Variants in MYBPC1 observed in about 807,000 individuals in gnomAD.
The protein encoded by MYBPC1 is myosin binding protein C1.
Under a neutral mutation model 147.1 loss-of-function variants are expected in MYBPC1, and 52 were observed. The ratio of observed to expected loss-of-function variants is 0.35; its 90% CI spans 0.28 to 0.45. MYBPC1 has a LOEUF of 0.45. Ranked by LOEUF, MYBPC1 falls within the 20% of genes least tolerant of loss-of-function variation. MYBPC1 has a pLI of 1.00. For missense variants in MYBPC1, 1,228 were observed against 1,440.3 expected, an observed-to-expected ratio of 0.85 and a Z score of 2.39; for synonymous variants, 477 against 475.9, an observed-to-expected ratio of 1.00 and a Z score of -0.03.
intron 15 of MYBPC1, among the ~76,000 whole-genome samples, chr12:101,649,823 T>C (rs535468010): frequency 6.6e-6 from 1 of 152,322 alleles, no homozygotes; most frequent in East Asian, 1.9e-4. Flanking sequence ...AAGGGCTCAA[T>C]TGAGAAGATT....
rs140304003 is a variant in MYBPC1 at position 101,604,432 on chromosome 12, A to G, written c.25+9337A>G. Among the ~76,000 whole-genome samples, 26 of 152,338 alleles carry G rather than the reference A, an allele frequency of 1.7e-4. No individual in the cohort carries two copies. The East Asian group carries it at 5.0e-3, about 29-fold the overall frequency. On this transcript the variant is annotated intron_variant, in intron 1 of 31. Coordinates refer to ENST00000361466, the MANE Select transcript of MYBPC1 (RefSeq NM_002465.4). Reference sequence around the variant, plus strand: ...AGAGTACAGTACAGTCTTTGGCAACATTCGACCATAGTAAATAAATATGGA... The same window carrying G: ...AGAGTACAGTACAGTCTTTGGCAACGTTCGACCATAGTAAATAAATATGGA...
chr12:101,676,264 G>T (rs1389889547), intron 26 of MYBPC1, among the ~76,000 whole-genome samples: 1 of 152,128 alleles, frequency 6.6e-6, no homozygotes, highest in African/African-American at 2.4e-5. Context: ...AGGAAACTGA[G>T]GCTTGCAGAG....
intron 15 of MYBPC1, among the ~76,000 whole-genome samples, chr12:101,650,381 A>C (rs1894179988): frequency 6.6e-6 from 1 of 152,210 alleles, no homozygotes; most frequent in Non-Finnish European, 1.5e-5. Flanking sequence ...AAAAAGCTTC[A>C]GTTGACTCAC....
At chr12:101,653,322 C>T in intron 18 of MYBPC1, 74 bp downstream of exon 18, 1 of 1,561,892 alleles carries the variant, frequency 6.4e-7, no homozygotes, top group Non-Finnish European at 8.7e-7. Context: ...ACCCCTTGCC[C>T]TCCATTATTC....
At position 101,677,329 on chromosome 12, in the gene MYBPC1, A is replaced by C. The variant is rs1566010835; in HGVS notation, c.3044A>C (p.Glu1015Ala). Reference sequence around the variant, plus strand: ...GAATATTACTTCCGGGTCTTTTCTGAAAACATGTGTGGCCTCAGTGAGGAT... The same window carrying C: ...GAATATTACTTCCGGGTCTTTTCTGCAAACATGTGTGGCCTCAGTGAGGAT... ...GNEYYFRVFS[E>A]NMCGLSEDAT... is the part of the protein sequence containing the mutation. Residue 1015 changes from glutamate to alanine, a missense_variant, in exon 27 of 32, where the codon GAA becomes GCA. Coordinates refer to ENST00000361466, the MANE Select transcript of MYBPC1 (RefSeq NM_002465.4). The C allele has an allele frequency of 6.2e-7, 1 of 1,614,098 alleles. No individual in the cohort carries two copies.
At chr12:101,682,735 A>G in intron 30 of MYBPC1, 73 bp downstream of exon 30, 1 of 1,370,878 alleles carries the variant, frequency 7.3e-7, no homozygotes, top group South Asian at 1.2e-5. Flanking sequence ...TGCACCTTGC[A>G]TGTAAAGCTT....
At chr12:101,648,401 ACT>A (rs1450419171) in intron 14 of MYBPC1, among the ~76,000 whole-genome samples, 2 of 152,186 alleles carry the variant, frequency 1.3e-5, no homozygotes, top group African/African-American at 4.8e-5. Context: ...TAAGTGGATG[ACT>A]CAAGTTTACC....
At chr12:101,631,463 C>A in intron 6 of MYBPC1, 108 bp from the exon 7 acceptor site, 1 of 1,259,546 alleles carries the variant, frequency 7.9e-7, no homozygotes, top group Non-Finnish European at 1.2e-6. Context: ...CCGAGGGCAC[C>A]AATCACACCA....
intron 20 of MYBPC1, 123 bp from the exon 21 acceptor site, chr12:101,662,235 C>A: frequency 2.6e-6 from 2 of 767,106 alleles, no homozygotes; most frequent in Non-Finnish European, 4.3e-6. Flanking sequence ...TATTTACATA[C>A]ATATATGACT....
chr12:101,653,198 C>A lies in MYBPC1; in HGVS notation c.1717C>A (p.Pro573Thr), dbSNP rs761776789. The A allele has an allele frequency of 6.2e-7, 1 of 1,614,072 alleles. No homozygotes were observed. Among genetic ancestry groups the A allele is most frequent in the East Asian group, 2.2e-5 (1 of 44,884 alleles). ...IAGNKLRLEI[P>T]ISGEPPPKAM... Reference sequence around the variant, plus strand: ...AGGAAACAAGCTTCGTCTTGAGATCCCCATCAGCGGAGAACCACCTCCTAA... The same window carrying A: ...AGGAAACAAGCTTCGTCTTGAGATCACCATCAGCGGAGAACCACCTCCTAA... The change falls in exon 18 of 32, where the codon CCC becomes ACC. Residue 573 changes from proline to threonine, a missense_variant. Physicochemically the swap from Pro to Thr is conservative, Grantham distance 38. Coordinates refer to ENST00000361466, the MANE Select transcript of MYBPC1 (RefSeq NM_002465.4).
chr12:101,660,842 C>T (rs1451644368), intron 19 of MYBPC1, among the ~76,000 whole-genome samples: 1 of 152,058 alleles, frequency 6.6e-6, no homozygotes, highest in Non-Finnish European at 1.5e-5. Context: ...GAGGGGTTTC[C>T]CCTTACAAAA....
At chr12:101,638,090 T>C (rs1432807656) in intron 10 of MYBPC1, among the ~76,000 whole-genome samples, 1 of 152,222 alleles carries the variant, frequency 6.6e-6, no homozygotes. Flanking sequence ...TTCCCTTTTA[T>C]GAGTCAGCTC....
chr12:101,688,965 AAAAG>A (rs370451918), downstream of MYBPC1, among the ~76,000 whole-genome samples: 182 of 128,604 alleles, frequency 1.4e-3, 9 homozygotes, highest in South Asian at 0.011. Context: ...AAAAAAAAAA[AAAAG>A]AAAAAGAAAA....
At position 101,646,821 on chromosome 12, in the gene MYBPC1, A is replaced by G; in HGVS notation, c.1024A>G (p.Thr342Ala). ...RILFINNCQMTDDSEYYVTAG... is the reference protein window; with the variant it reads ...RILFINNCQMADDSEYYVTAG... ...CCTGTTTATCAATAACTGTCAGATGACAGATGATTCAGAGTATTATGTGAC... is the reference window on the plus strand; with the variant it reads ...CCTGTTTATCAATAACTGTCAGATGGCAGATGATTCAGAGTATTATGTGAC... Residue 342 changes from threonine to alanine, a missense_variant, in exon 13 of 32, where the codon ACA (threonine) becomes GCA (alanine). Coordinates refer to ENST00000361466, the MANE Select transcript of MYBPC1 (RefSeq NM_002465.4). 4 of 1,613,646 alleles carry G rather than the reference A, an allele frequency of 2.5e-6. No individual in the cohort carries two copies. Among genetic ancestry groups the G allele is most frequent in the East Asian group, 2.2e-5 (1 of 44,878 alleles).
At chr12:101,619,199 T>TCTCC (rs1448000190) in intron 3 of MYBPC1, among the ~76,000 whole-genome samples, 1 of 151,396 alleles carries the variant, frequency 6.6e-6, no homozygotes, top group Non-Finnish European at 1.5e-5. Flanking sequence ...ACTCTCCTGC[T>TCTCC]CTCCCTCCCT....
intron 1 of MYBPC1, among the ~76,000 whole-genome samples, chr12:101,597,996 TG>T (rs1259385015): frequency 6.6e-6 from 1 of 151,562 alleles, no homozygotes; most frequent in Non-Finnish European, 1.5e-5. Context: ...CGGTTCCTAC[TG>T]TGTAAAGAAA....
At position 101,682,701 on chromosome 12, in the gene MYBPC1, C is replaced by T. The variant is rs35621105; in HGVS notation, c.3492+39C>T. On this transcript the variant is annotated intron_variant, in intron 30 of 31. Coordinates refer to ENST00000361466, the MANE Select transcript of MYBPC1 (RefSeq NM_002465.4). The stretch of plus-strand genomic sequence containing the variant: ...ATATCCCACTGGATATTCTACTTTC[C>T]GTTCCATTCCTCTTACATGAAAATG... The T allele has an allele frequency of 0.054, 82,742 of 1,545,658 alleles. 2,990 individuals are homozygous for T. The highest frequency in any genetic ancestry group is 0.15 in the South Asian group (13,284 of 89,100).
intron 8 of MYBPC1, among the ~76,000 whole-genome samples, chr12:101,634,195 C>T (rs1279570423): frequency 1.1e-4 from 17 of 152,052 alleles, no homozygotes; most frequent in Non-Finnish European, 4.4e-5. Context: ...CCACCGCGCC[C>T]GGCCCCTGGA....
intron 23 of MYBPC1, among the ~76,000 whole-genome samples, chr12:101,669,290 C>A (rs1023590435): frequency 2.6e-5 from 4 of 152,290 alleles, no homozygotes; most frequent in African/African-American, 9.6e-5. Context: ...TGCACAGAAG[C>A]TCCACTTTTA....
Sources: allele counts gnomAD v4.1 joint callset (sites outside exome capture counted in the v4.1 genomes callset), GRCh38; gene constraint gnomAD v4.1.1; transcripts MANE v1.5; gene names NCBI Gene and HGNC (gene_info 2026-07-23, HGNC 2026-07-21).